ZNF519: variants seen among roughly 807,000 people sequenced by gnomAD.
ZNF519 encodes the protein zinc finger protein 519, also known as similar to Zinc finger protein 85 (Zinc finger protein HPF4) (HTF1).
In ZNF519, 7 loss-of-function variants were observed where a neutral mutation model predicts 7.4. The ratio of observed to expected loss-of-function variants is 0.94; its 90% CI spans 0.54 to 1.77. The LOEUF (loss-of-function observed/expected upper bound fraction) is 1.77. ZNF519 is among the 40% of genes most tolerant of loss of function. The probability of loss-of-function intolerance (pLI) is 0.00; values close to 1 mark genes in which losing one functional copy is unlikely to be tolerated. For synonymous variants in ZNF519, 179 were observed against 203.3 expected, an observed-to-expected ratio of 0.88 and a Z score of 1.02; for missense variants, 586 against 623.1, an observed-to-expected ratio of 0.94 and a Z score of 0.63.
rs182304672 is a variant in ZNF519, at chr18:14,131,958, G to A, written c.3+317C>T. 2.0e-3 allele frequency among the ~76,000 whole-genome samples: 311 copies of A among 152,314 alleles called. 3 individuals are homozygous for A. The highest frequency in any genetic ancestry group is 7.1e-3 in the African/African-American group (297 of 41,558). ...CGAACAGGGTAAGGTAGGGACGGGG[G>A]ACCCCACGGACCACAGCTCCTTCCA... On this transcript the variant is annotated intron_variant, in intron 1 of 2. Transcript: ENST00000590202.
In ZNF519 at chr18:14,101,834, C is replaced by A. The variant is rs555622136; in HGVS notation, c.*3083G>T. Reference sequence around the variant, plus strand: ...ACAGAGCCCTGCTTGGCTGACCTGGCCTCTTCTGTCGAGTCTTTCCATTCC... The same window carrying A: ...ACAGAGCCCTGCTTGGCTGACCTGGACTCTTCTGTCGAGTCTTTCCATTCC... On this transcript the variant is annotated 3_prime_UTR_variant, in exon 3 of 3. Transcript: ENST00000590202. 18 of 398,164 alleles carry A rather than the reference C, an allele frequency of 4.5e-5. No homozygotes were observed. Among genetic ancestry groups the A allele is most frequent in the African/African-American group, 2.7e-4 (13 of 48,728 alleles). 24.7% of individuals were successfully genotyped at this position (398,164 alleles called of 1,614,324 possible). A position where few individuals can be genotyped will look rare whatever the true frequency, so the allele number is the denominator to read the frequency against.
chr18:14,129,503 G>A (rs1306320673), intron 1 of ZNF519, among the ~76,000 whole-genome samples: 1 of 152,090 alleles, frequency 6.6e-6, no homozygotes, highest in Non-Finnish European at 1.5e-5. Context: ...TGGAATTACA[G>A]GACAACGCAC....
At chr18:14,128,046 C>G (rs1721107746) in intron 1 of ZNF519, among the ~76,000 whole-genome samples, 1 of 151,812 alleles carries the variant, frequency 6.6e-6, no homozygotes, top group South Asian at 2.1e-4. Context: ...TCCCAGCACT[C>G]TGGGAGGCCG....
At chr18:14,123,095 T>G (rs1304055779) in intron 2 of ZNF519, 2 of 201,922 alleles carry the variant, frequency 9.9e-6, no homozygotes, top group East Asian at 2.8e-4. Context: ...TGTCATCTCC[T>G]TCATTCACCC....
chr18:14,114,789 A>G (rs910923161), intron 2 of ZNF519, among the ~76,000 whole-genome samples: 10 of 152,280 alleles, frequency 6.6e-5, no homozygotes, highest in Admixed American at 1.3e-4. Context: ...TTAAATAACA[A>G]AAGGAACGTA....
rs1177147281 is a variant in ZNF519, at chr18:14,103,178, A to AT, written c.*1738dup. 1.3e-5 allele frequency: 2 copies of AT among 152,140 alleles called. No homozygotes were observed. Among genetic ancestry groups the AT allele is most frequent in the East Asian group, 3.8e-4 (2 of 5,196 alleles). The allele number at this position is 152,140 out of a possible 1,614,324, so 9.4% of individuals were successfully genotyped here. A position where few individuals can be genotyped will look rare whatever the true frequency, so the allele number is the denominator to read the frequency against. On this transcript the variant is annotated 3_prime_UTR_variant, in exon 3 of 3. Transcript: ENST00000590202. ...AAAGTGGGAAGATCAACAGGAAAACATAACACTTGAACACTGTAAACAAAT... is the reference window on the plus strand; with the variant it reads ...AAAGTGGGAAGATCAACAGGAAAACATTAACACTTGAACACTGTAAACAAAT...
intron 2 of ZNF519, among the ~76,000 whole-genome samples, chr18:14,119,377 C>T (rs1421721704): frequency 1.3e-5 from 2 of 152,180 alleles, no homozygotes; most frequent in Non-Finnish European, 2.9e-5. Flanking sequence ...GGTCTGCCTC[C>T]AGGGCCATGG....
chr18:14,117,298 A>T (rs1239038337), intron 2 of ZNF519, among the ~76,000 whole-genome samples: 2 of 152,228 alleles, frequency 1.3e-5, no homozygotes, highest in Non-Finnish European at 2.9e-5. Flanking sequence ...TTCTCCAAAG[A>T]TGAAATAATA....
At chr18:14,093,678 G>A (rs568349118) in intron 2 of ZNF519, among the ~76,000 whole-genome samples, 19 of 152,326 alleles carry the variant, frequency 1.2e-4, no homozygotes, top group African/African-American at 3.8e-4. Context: ...TAACATTCAT[G>A]GACAGAGAAA....
chr18:14,095,707 G>A (rs2046133566), downstream of ZNF519, among the ~76,000 whole-genome samples: 1 of 152,204 alleles, frequency 6.6e-6, no homozygotes, highest in Non-Finnish European at 1.5e-5. Flanking sequence ...CCAATGTTGG[G>A]TTTCACCATG....
intron 1 of ZNF519, among the ~76,000 whole-genome samples, chr18:14,128,271 C>T (rs1388908553): frequency 4.1e-5 from 6 of 146,814 alleles, no homozygotes; most frequent in South Asian, 2.1e-4. Flanking sequence ...CCAGCCTGGG[C>T]GACAGAGCGA....
At chr18:14,128,233 C>T (rs2046310723) in intron 1 of ZNF519, among the ~76,000 whole-genome samples, 2 of 152,096 alleles carry the variant, frequency 1.3e-5, no homozygotes, top group African/African-American at 4.8e-5. Flanking sequence ...GCAGAGCTTG[C>T]AGTGCGCCGA....
rs542422949 is a variant in ZNF519 at position 14,079,090 on chromosome 18, T to G, written c.*178-792A>C. Reference sequence around the variant, plus strand: ...TCCGACACAGTTGCCAATTCTTGAATTTCACAATTTTCCTTTGGTGTTTGT... The same window carrying G: ...TCCGACACAGTTGCCAATTCTTGAAGTTCACAATTTTCCTTTGGTGTTTGT... On this transcript the variant is annotated intron_variant and NMD_transcript_variant, in intron 3 of 4. Coordinates refer to the ZNF519 transcript ENST00000587419. Among the ~76,000 whole-genome samples, 147 of 152,318 alleles carry G rather than the reference T, an allele frequency of 9.7e-4. 1 individual carries two copies. Among genetic ancestry groups the G allele is most frequent in the African/African-American group, 3.5e-3 (144 of 41,552 alleles).
chr18:14,117,604 G>T (rs1211231147), intron 2 of ZNF519, among the ~76,000 whole-genome samples: 2 of 152,114 alleles, frequency 1.3e-5, no homozygotes, highest in Non-Finnish European at 2.9e-5. Flanking sequence ...AAATACCTGA[G>T]ACTGGGTATT....
chr18:14,090,378 G>C (rs375652439), intron 2 of ZNF519: 1 of 152,174 alleles, frequency 6.6e-6, no homozygotes, highest in African/African-American at 2.4e-5. Context: ...GGAAGAATCA[G>C]TTTTCTTGGT....
intron 2 of ZNF519, among the ~76,000 whole-genome samples, chr18:14,115,960 TTTTTAAC>T (rs1347567532): frequency 1.1e-4 from 16 of 152,340 alleles, no homozygotes; most frequent in African/African-American, 3.8e-4. Flanking sequence ...ACTCTTATTC[TTTTTAAC>T]TTTTAAGTTT....
chr18:14,085,140 T>C (rs2046085276), intron 2 of ZNF519: 1 of 152,088 alleles, frequency 6.6e-6, no homozygotes. Flanking sequence ...TGAGGTCTAG[T>C]AAAATTCCCT....
downstream of ZNF519, chr18:14,072,982 T>A (rs1439749931): frequency 6.6e-6 from 1 of 152,150 alleles, no homozygotes; most frequent in Non-Finnish European, 1.5e-5. Context: ...CATAGCCAGA[T>A]TTGAAGACAC....
intron 2 of ZNF519, among the ~76,000 whole-genome samples, chr18:14,117,170 A>C (rs1432567453): frequency 6.6e-6 from 1 of 152,078 alleles, no homozygotes; most frequent in East Asian, 1.9e-4. Context: ...AAGTAAGCAG[A>C]AGAAGAAAAA....
Sources: gnomAD v4.1 joint callset for allele counts (sites outside exome capture counted in the v4.1 genomes callset) on GRCh38, gnomAD v4.1.1 for gene constraint, MANE v1.5 for transcripts, NCBI Gene and HGNC (gene_info 2026-07-23, HGNC 2026-07-21) for gene names.